C4orf51: variants seen among roughly 807,000 people sequenced by gnomAD.
C4orf51 encodes the protein uncharacterized protein C4orf51.
A neutral mutation model predicts 25.2 loss-of-function variants in C4orf51; 25 were observed. That is an observed-to-expected ratio of 0.99 (90% CI 0.72 to 1.39). C4orf51 has a LOEUF of 1.39. Ranked by LOEUF, C4orf51 falls within the 40% of genes most tolerant of loss-of-function variation. The probability of loss-of-function intolerance (pLI) is 0.00; values close to 1 mark genes in which losing one functional copy is unlikely to be tolerated. For missense variants in C4orf51, 252 were observed against 239.6 expected (o/e 1.05, Z -0.34); for synonymous variants, 100 against 84.5 (o/e 1.18, Z -1.01).
the C4orf51 span, among the ~76,000 whole-genome samples, chr4:145,784,951 C>A: frequency 1.3e-5 from 2 of 152,202 alleles, no homozygotes; most frequent in Non-Finnish European, 2.9e-5. Flanking sequence ...CCATAAATTG[C>A]TTCCAGAAAT....
downstream of C4orf51, among the ~76,000 whole-genome samples, chr4:145,773,817 A>G (rs187250834): frequency 1.2e-4 from 19 of 152,234 alleles, no homozygotes; most frequent in African/African-American, 3.4e-4. Context: ...CATTAAGGAG[A>G]GCGTCAGGGC....
chr4:145,779,768 T>A, the C4orf51 span, among the ~76,000 whole-genome samples: 6 of 152,374 alleles, frequency 3.9e-5, no homozygotes, highest in Non-Finnish European at 8.8e-5. Context: ...ACCAGCCAAC[T>A]AACCCTCTAG....
downstream of C4orf51, among the ~76,000 whole-genome samples, chr4:145,735,679 G>A (rs1179460782): frequency 2.0e-5 from 3 of 152,158 alleles, no homozygotes; most frequent in Admixed American, 1.3e-4. Context: ...GCAGCCCTAT[G>A]GAACAGGGAC....
At chr4:145,689,299 C>T (rs1226531503) in intron 1 of C4orf51, among the ~76,000 whole-genome samples, 1 of 151,952 alleles carries the variant, frequency 6.6e-6, no homozygotes, top group Non-Finnish European at 1.5e-5. Context: ...TTAAGTAGTT[C>T]TATTCAACTA....
chr4:145,749,367 C>A (rs1733549943), intron 1 of C4orf51, among the ~76,000 whole-genome samples: 1 of 151,946 alleles, frequency 6.6e-6, no homozygotes, highest in Non-Finnish European at 1.5e-5. Context: ...TTCAGCTGCT[C>A]TATGTCTTTT....
At chr4:145,790,742 T>C in the C4orf51 span, among the ~76,000 whole-genome samples, 1 of 152,230 alleles carries the variant, frequency 6.6e-6, no homozygotes, top group Admixed American at 6.5e-5. Flanking sequence ...TCCCAGACAC[T>C]GCAATATTCT....
At chr4:145,749,901 T>C (rs1733578628) in intron 1 of C4orf51, among the ~76,000 whole-genome samples, 2 of 152,212 alleles carry the variant, frequency 1.3e-5, no homozygotes, top group African/African-American at 4.8e-5. Context: ...CCCAAAGTGC[T>C]GGGATTACAG....
At chr4:145,789,898 AT>A in the C4orf51 span, among the ~76,000 whole-genome samples, 14 of 152,234 alleles carry the variant, frequency 9.2e-5, no homozygotes, top group African/African-American at 3.4e-4. Context: ...GAATGGTGGA[AT>A]TTGGAGGCTC....
the C4orf51 span, among the ~76,000 whole-genome samples, chr4:145,781,279 A>G: frequency 1.3e-5 from 2 of 151,872 alleles, no homozygotes; most frequent in African/African-American, 4.8e-5. Flanking sequence ...TAACATCAGA[A>G]GAAAAAACTT....
chr4:145,777,196 G>T, the C4orf51 span, among the ~76,000 whole-genome samples: 1 of 152,200 alleles, frequency 6.6e-6, no homozygotes, highest in Non-Finnish European at 1.5e-5. Flanking sequence ...GCAGGGTCAG[G>T]GGAGGAGCCC....
At chr4:145,785,894 C>G in the C4orf51 span, among the ~76,000 whole-genome samples, 1 of 152,232 alleles carries the variant, frequency 6.6e-6, no homozygotes, top group African/African-American at 2.4e-5. Context: ...AATCCAGACA[C>G]TAGCACTTTT....
intron 2 of C4orf51, among the ~76,000 whole-genome samples, chr4:145,700,151 T>C (rs375113867): frequency 1.8e-3 from 185 of 102,534 alleles, no homozygotes; most frequent in Middle Eastern, 4.9e-3. Flanking sequence ...CTTATTTCCA[T>C]GCCCCAACCT....
chr4:145,685,767 G>A (rs1258327758), intron 1 of C4orf51, among the ~76,000 whole-genome samples: 1 of 152,080 alleles, frequency 6.6e-6, no homozygotes, highest in Non-Finnish European at 1.5e-5. Context: ...TTTGGAGGCA[G>A]AAATTGGGCA....
At chr4:145,714,079 G>A (rs976135752) in intron 2 of C4orf51, among the ~76,000 whole-genome samples, 2 of 152,076 alleles carry the variant, frequency 1.3e-5, no homozygotes. Flanking sequence ...TACTGCACCT[G>A]GCTCATTTTA....
At chr4:145,697,062 CCAAA>C (rs1438808471) in intron 2 of C4orf51, among the ~76,000 whole-genome samples, 12 of 150,178 alleles carry the variant, frequency 8.0e-5, no homozygotes, top group Admixed American at 8.0e-4. Flanking sequence ...AACCAACCAA[CCAAA>C]CAAACAAACA....
At chr4:145,785,172 C>A in the C4orf51 span, among the ~76,000 whole-genome samples, 3 of 152,300 alleles carry the variant, frequency 2.0e-5, no homozygotes, top group Non-Finnish European at 4.4e-5. Context: ...CTCATCTTAG[C>A]AATCCCAAAA....
intron 1 of C4orf51, among the ~76,000 whole-genome samples, chr4:145,693,561 T>C (rs1485245780): frequency 2.0e-5 from 3 of 147,206 alleles, no homozygotes; most frequent in Non-Finnish European, 3.0e-5. Flanking sequence ...ACCTCCCAGA[T>C]GGGGTGGTGG....
At chr4:145,749,754 C>T (rs1733568984) in intron 1 of C4orf51, among the ~76,000 whole-genome samples, 2 of 152,222 alleles carry the variant, frequency 1.3e-5, no homozygotes, top group South Asian at 2.1e-4. Context: ...CTGCCTCAGC[C>T]TCCCGAGTAG....
intron 5 of C4orf51, among the ~76,000 whole-genome samples, chr4:145,731,205 A>AATTG (rs1456941926): frequency 6.6e-6 from 1 of 152,184 alleles, no homozygotes; most frequent in East Asian, 1.9e-4. Flanking sequence ...CTATTGTTAA[A>AATTG]TAAATAAATC....
Sources: allele counts gnomAD v4.1 joint callset (sites outside exome capture counted in the v4.1 genomes callset), GRCh38; gene constraint gnomAD v4.1.1; transcripts MANE v1.5; gene names NCBI Gene and HGNC (gene_info 2026-07-23, HGNC 2026-07-21).